LDLRAD3: variants seen among roughly 807,000 people sequenced by gnomAD.
The protein encoded by LDLRAD3 is low density lipoprotein receptor class A domain containing 3.
In LDLRAD3, 20 loss-of-function variants were observed where a neutral mutation model predicts 29.4. The observed-to-expected ratio is 0.68, with a 90% CI of 0.48 to 0.99. The LOEUF (loss-of-function observed/expected upper bound fraction) is 0.99. Ranked by LOEUF, LDLRAD3 falls within the 50% of genes least tolerant of loss-of-function variation. The pLI is 0.00. For missense variants in LDLRAD3, 420 were observed against 454.3 expected (o/e 0.92, Z 0.69); for synonymous variants, 157 against 192.7 (o/e 0.81, Z 1.53).
In LDLRAD3 at chr11:35,944,136, G is replaced by C. The variant is rs182109405; in HGVS notation, c.38G>C (p.Ser13Thr). 37,001 of 1,048,986 alleles carry C rather than the reference G, an allele frequency of 0.035. 803 individuals carry two copies. The highest frequency in any genetic ancestry group is 0.1 in the Admixed American group (1,844 of 17,938). 65.0% of individuals were successfully genotyped at this position (1,048,986 alleles called of 1,614,324 possible). Residue 13 changes from serine to threonine, a missense_variant, in exon 1 of 6, where the codon AGC becomes ACC. By Grantham distance (58) the Ser-to-Thr change is moderately conservative. This residue lies in a region of LDLRAD3 where 224 missense variants were observed against 222.2 expected (regional missense o/e 1.01). Transcript: ENST00000315571. This position sits in a 1 kb window ranked among gnomAD's most constrained non-coding sequence, Gnocchi z 4.9. ...GGGCCGCTGTGCCTGCTGCTGAGCA[G>C]CGCCGCGGGTGAGTCGGGGGGCGGC... Reference protein sequence around the residue: ...LLGPLCLLLSSAAESQLLPGN... With the variant: ...LLGPLCLLLSTAAESQLLPGN...
intron 4 of LDLRAD3, among the ~76,000 whole-genome samples, chr11:36,189,463 G>A (rs1854905403): frequency 6.6e-6 from 1 of 151,784 alleles, no homozygotes. Flanking sequence ...CAGCTTGGGT[G>A]ACAGAGCGAG....
chr11:36,178,091 A>G (rs1042307411), intron 4 of LDLRAD3, among the ~76,000 whole-genome samples: 1 of 152,078 alleles, frequency 6.6e-6, no homozygotes, highest in Non-Finnish European at 1.5e-5. Context: ...GTGAGTTTCT[A>G]CATGCTGTTC....
intron 1 of LDLRAD3, chr11:35,968,094 T>C: frequency 4.4e-6 from 2 of 450,746 alleles, no homozygotes; most frequent in Admixed American, 2.6e-5. Context: ...GGAAGCCATG[T>C]TGGTTTCTCA....
At chr11:36,114,761 C>T (rs924250104) in intron 4 of LDLRAD3, among the ~76,000 whole-genome samples, 4 of 152,132 alleles carry the variant, frequency 2.6e-5, no homozygotes, top group African/African-American at 4.8e-5. Context: ...TTTGTGGGGA[C>T]GTGACTCCAT....
intron 1 of LDLRAD3, chr11:35,997,352 A>G (rs1019505940): frequency 1.5e-5 from 7 of 459,892 alleles, no homozygotes; most frequent in South Asian, 5.1e-5. Flanking sequence ...AATGTTGACA[A>G]TCTCATCAAA....
intron 4 of LDLRAD3, among the ~76,000 whole-genome samples, chr11:36,189,813 G>A (rs528891239): frequency 3.3e-5 from 5 of 152,140 alleles, no homozygotes; most frequent in African/African-American, 9.6e-5. Flanking sequence ...CCACCTATGA[G>A]TGAGAACATG....
intron 4 of LDLRAD3, among the ~76,000 whole-genome samples, chr11:36,152,062 G>A (rs1299495286): frequency 6.6e-6 from 1 of 152,020 alleles, no homozygotes; most frequent in Non-Finnish European, 1.5e-5. Context: ...GTAGAACCAA[G>A]GAATGCTGAA....
chr11:35,971,138 C>G (rs1343152663), intron 1 of LDLRAD3, among the ~76,000 whole-genome samples: 1 of 152,194 alleles, frequency 6.6e-6, no homozygotes, highest in African/African-American at 2.4e-5. Context: ...CCTGATCTCT[C>G]TAATTCTGCC....
intron 2 of LDLRAD3, among the ~76,000 whole-genome samples, chr11:36,048,665 A>G (rs778471243): frequency 1.7e-4 from 26 of 152,178 alleles, no homozygotes; most frequent in Non-Finnish European, 3.4e-4. Context: ...CCTGTCACAT[A>G]TCTCTGCTGG....
chr11:36,063,418 C>T (rs957317076), intron 2 of LDLRAD3, among the ~76,000 whole-genome samples: 1 of 152,320 alleles, frequency 6.6e-6, no homozygotes, highest in Middle Eastern at 3.4e-3. Context: ...CCCATTCTTC[C>T]CTCTCTTAGT....
intron 1 of LDLRAD3, among the ~76,000 whole-genome samples, chr11:36,018,117 A>G (rs1384815570): frequency 6.6e-6 from 1 of 152,240 alleles, no homozygotes; most frequent in Non-Finnish European, 1.5e-5. Flanking sequence ...TGCAGGCTTC[A>G]TCTTCAACAC....
At chr11:36,177,543 G>A (rs1001864819) in intron 4 of LDLRAD3, among the ~76,000 whole-genome samples, 1 of 152,148 alleles carries the variant, frequency 6.6e-6, no homozygotes, top group Non-Finnish European at 1.5e-5. Context: ...CTTCCCCTAG[G>A]GATGGGGCTT....
intron 1 of LDLRAD3, among the ~76,000 whole-genome samples, chr11:35,971,159 C>A (rs1851406669): frequency 6.6e-6 from 1 of 152,104 alleles, no homozygotes; most frequent in South Asian, 2.1e-4. Context: ...TGTACCCTTA[C>A]CCCCATCTGA....
At chr11:36,144,645 CCGCCCGGCAGCCACACCG>C (rs1854144612) in intron 4 of LDLRAD3, among the ~76,000 whole-genome samples, 2 of 73,726 alleles carry the variant, frequency 2.7e-5, no homozygotes, top group East Asian at 7.1e-4. Flanking sequence ...AGAAGCCCCT[CCGCCCGGCAGCCACACCG>C]TCTGAGAAGT....
intron 4 of LDLRAD3, among the ~76,000 whole-genome samples, chr11:36,130,469 G>A (rs1035325708): frequency 6.6e-6 from 1 of 152,204 alleles, no homozygotes; most frequent in Non-Finnish European, 1.5e-5. Context: ...GGTTCGGAAG[G>A]AAGTTTGGAG....
chr11:36,224,766 TG>T, intron 4 of LDLRAD3, among the ~76,000 whole-genome samples: 1 of 152,304 alleles, frequency 6.6e-6, no homozygotes, highest in Admixed American at 6.5e-5. Flanking sequence ...TGGGATCATT[TG>T]GGGAATCAGA....
chr11:35,973,167 TTTTG>T (rs869068518), intron 1 of LDLRAD3, among the ~76,000 whole-genome samples: 10 of 151,778 alleles, frequency 6.6e-5, no homozygotes, highest in East Asian at 5.8e-4. Flanking sequence ...TTTTGTTTTG[TTTTG>T]TTTTTTTTGA....
chr11:36,032,472 G>A (rs939725817), intron 1 of LDLRAD3, among the ~76,000 whole-genome samples: 1 of 152,166 alleles, frequency 6.6e-6, no homozygotes, highest in African/African-American at 2.4e-5. Context: ...TGAAGAGAAG[G>A]ACCTGGAAGG....
chr11:36,097,560 G>T (rs76969570), intron 3 of LDLRAD3, among the ~76,000 whole-genome samples: 1 of 152,128 alleles, frequency 6.6e-6, no homozygotes, highest in South Asian at 2.1e-4. Context: ...TTAGCATGTC[G>T]GGGTGGAGAG....
Sources: gnomAD v4.1 joint callset for allele counts (sites outside exome capture counted in the v4.1 genomes callset) on GRCh38, gnomAD v4.1.1 for gene constraint, gnomAD v4.1.1 regional missense constraint, Gnocchi (gnomAD v3.1) non-coding constraint, MANE v1.5 for transcripts, NCBI Gene and HGNC (gene_info 2026-07-23, HGNC 2026-07-21) for gene names.